The following CACNB2 variants were observed in gnomAD, a reference collection of about 807,000 sequenced individuals.
CACNB2 encodes the protein calcium voltage-gated channel auxiliary subunit beta 2.
A neutral mutation model predicts 73.3 loss-of-function variants in CACNB2; 42 were observed. The ratio of observed to expected loss-of-function variants is 0.57; its 90% CI spans 0.45 to 0.74. The LOEUF (loss-of-function observed/expected upper bound fraction) is 0.74, where lower values mean the gene tolerates loss of function less well. CACNB2 is among the 30% of genes least tolerant of loss of function. The probability of loss-of-function intolerance (pLI) is 0.00; values close to 1 mark genes in which losing one functional copy is unlikely to be tolerated. For synonymous variants in CACNB2, 348 were observed against 310.3 expected (o/e 1.12, Z -1.28); for missense variants, 940 against 853.0 (o/e 1.10, Z -1.27).
At chr10:18,358,387 C>T (rs2042005669) in intron 2 of CACNB2, among the ~76,000 whole-genome samples, 1 of 152,102 alleles carries the variant, frequency 6.6e-6, no homozygotes, top group Non-Finnish European at 1.5e-5. Flanking sequence ...CATGCCTGGC[C>T]CATCTATTCA....
At chr10:18,402,801 C>T (rs2044077157) in intron 3 of CACNB2, among the ~76,000 whole-genome samples, 3 of 152,200 alleles carry the variant, frequency 2.0e-5, no homozygotes, top group Admixed American at 2.0e-4. Context: ...TACTCAGTCA[C>T]TTCTCAATGA....
At chr10:18,528,652 T>C (rs138464443) in intron 10 of CACNB2, among the ~76,000 whole-genome samples, 31 of 152,250 alleles carry the variant, frequency 2.0e-4, no homozygotes, top group African/African-American at 7.2e-4. Flanking sequence ...CATGATACAT[T>C]ATAGAACTCA....
intron 2 of CACNB2, among the ~76,000 whole-genome samples, chr10:18,256,132 A>C (rs1320169512): frequency 6.6e-6 from 1 of 152,176 alleles, no homozygotes; most frequent in Non-Finnish European, 1.5e-5. Flanking sequence ...GATTTTTGTC[A>C]TTGAGCCTCT....
In CACNB2 at chr10:18,340,954, C is replaced by T. The variant is rs2041209208; in HGVS notation, c.214-60970C>T. On this transcript the variant is annotated intron_variant, in intron 2 of 13. Coordinates refer to ENST00000324631, the MANE Select transcript of CACNB2 (RefSeq NM_201596.3). ...GCTTGACAGACGCCTTATAGCTCCT[C>T]AAACTAAATACATTATTCCTGGGGT... The T allele has an allele frequency of 6.2e-7, 1 of 1,614,150 alleles. No individual in the cohort carries two copies. Among genetic ancestry groups the T allele is most frequent in the Non-Finnish European group, 8.5e-7 (1 of 1,180,026 alleles).
At chr10:18,234,497 C>G (rs1274117852) in intron 2 of CACNB2, among the ~76,000 whole-genome samples, 1 of 152,100 alleles carries the variant, frequency 6.6e-6, no homozygotes, top group Non-Finnish European at 1.5e-5. Flanking sequence ...ACCCAACTGT[C>G]CATCAGCAAA....
chr10:18,179,491 G>T (rs993659936), intron 2 of CACNB2, among the ~76,000 whole-genome samples: 1 of 152,120 alleles, frequency 6.6e-6, no homozygotes, highest in Non-Finnish European at 1.5e-5. Flanking sequence ...TTGTGGTCAG[G>T]TTCAGTTTTT....
intron 2 of CACNB2, among the ~76,000 whole-genome samples, chr10:18,210,200 G>A (rs1038466830): frequency 6.6e-6 from 1 of 152,198 alleles, no homozygotes; most frequent in Non-Finnish European, 1.5e-5. Flanking sequence ...CTTTTAGATT[G>A]CATGAAAATA....
chr10:18,167,520 G>A (rs1050455506), intron 2 of CACNB2, among the ~76,000 whole-genome samples: 2 of 152,150 alleles, frequency 1.3e-5, no homozygotes, highest in Non-Finnish European at 2.9e-5. Context: ...CCAGTGAGGG[G>A]AAAATGTTCA....
chr10:18,220,224 T>TAGAG (rs1474379036), intron 2 of CACNB2, among the ~76,000 whole-genome samples: 12 of 48,018 alleles, frequency 2.5e-4, no homozygotes, highest in African/African-American at 7.4e-4. Context: ...TATATATATA[T>TAGAG]ATATATATAG....
intron 3 of CACNB2, among the ~76,000 whole-genome samples, chr10:18,495,561 G>A (rs1351760223): frequency 7.3e-6 from 1 of 137,274 alleles, no homozygotes; most frequent in African/African-American, 3.1e-5. Context: ...GTGTGTGTGT[G>A]TGTGTGTGTG....
At chr10:18,514,148 T>C (rs1257005861) in intron 6 of CACNB2, 88 bp from the exon 7 acceptor site, 61 of 1,393,044 alleles carry the variant, frequency 4.4e-5, no homozygotes, top group Non-Finnish European at 6.1e-5. Context: ...TTTTTTACTA[T>C]GGTTAGTTTT....
chr10:18,271,700 C>T (rs2038060151), intron 2 of CACNB2, among the ~76,000 whole-genome samples: 1 of 152,178 alleles, frequency 6.6e-6, no homozygotes, highest in South Asian at 2.1e-4. Context: ...TAGAGGCTTT[C>T]ATTGCCCGCT....
chr10:18,377,754 C>T (rs779293018), intron 2 of CACNB2, among the ~76,000 whole-genome samples: 2 of 152,070 alleles, frequency 1.3e-5, no homozygotes, highest in African/African-American at 4.8e-5. Context: ...CCAGCAAAAA[C>T]GTTATGCTTT....
chr10:18,495,220 CT>C (rs755228257), intron 3 of CACNB2, among the ~76,000 whole-genome samples: 665 of 136,970 alleles, frequency 4.9e-3, no homozygotes, highest in Admixed American at 4.4e-3. Context: ...TTGAGGGAGT[CT>C]TTTTTTTTTT....
intron 1 of CACNB2, among the ~76,000 whole-genome samples, chr10:18,149,290 G>A (rs2031295826): frequency 6.6e-6 from 1 of 152,002 alleles, no homozygotes; most frequent in Non-Finnish European, 1.5e-5. Flanking sequence ...GAAAAAAAGT[G>A]GTTAAAAGAA....
intron 2 of CACNB2, among the ~76,000 whole-genome samples, chr10:18,168,249 G>A (rs1360680979): frequency 2.6e-5 from 4 of 152,094 alleles, no homozygotes; most frequent in Non-Finnish European, 5.9e-5. Flanking sequence ...TCAAACCTGG[G>A]CAACAGAGCA....
intron 2 of CACNB2, among the ~76,000 whole-genome samples, chr10:18,314,157 T>C (rs1249094261): frequency 2.0e-5 from 3 of 152,214 alleles, no homozygotes; most frequent in African/African-American, 7.2e-5. Flanking sequence ...ATAATTATCA[T>C]ACTAAATTCC....
intron 5 of CACNB2, among the ~76,000 whole-genome samples, chr10:18,505,304 A>G (rs373438425): frequency 1.1e-4 from 17 of 151,942 alleles, no homozygotes; most frequent in African/African-American, 4.1e-4. Context: ...AGGTCCTTGT[A>G]TAACTGCCAG....
At position 18,150,918 on chromosome 10, in the gene CACNB2, T is replaced by A. The variant is rs1254834311; in HGVS notation, c.156T>A (p.Phe52Leu). Residue 52 changes from phenylalanine (F) to leucine (L), a missense_variant, in exon 2 of 14, where the codon TTT becomes TTA. Physicochemically the swap from Phe to Leu is conservative, Grantham distance 22 (BLOSUM62 0). Transcript: ENST00000324631. ...AAGGAGCCAGAAGGAAAAACAGATT[T>A]AAAGGATCTGATGGAAGCACGTCAT... is the stretch of plus-strand genomic sequence containing the variant. ...YGKGARRKNR[F>L]KGSDGSTSSD... is the part of the protein sequence containing the mutation. 3 of 1,470,982 alleles carry A rather than the reference T, an allele frequency of 2.0e-6. No individual in the cohort carries two copies. The Admixed American group carries it at 5.5e-5, about 27-fold the overall frequency. The allele number at this position is 1,470,982 out of a possible 1,614,324, so 91.1% of individuals were successfully genotyped here.
Sources: gnomAD v4.1 joint callset for allele counts (sites outside exome capture counted in the v4.1 genomes callset) on GRCh38, gnomAD v4.1.1 for gene constraint, MANE v1.5 for transcripts, NCBI Gene and HGNC (gene_info 2026-07-23, HGNC 2026-07-21) for gene names.